PPP2R2B: variants seen among roughly 807,000 people sequenced by gnomAD.
PPP2R2B encodes protein phosphatase 2 regulatory subunit Bbeta.
In PPP2R2B, 5 loss-of-function variants were observed where a neutral mutation model predicts 46.0. That is an observed-to-expected ratio of 0.11 (90% CI 0.06 to 0.23). The LOEUF (loss-of-function observed/expected upper bound fraction) is 0.23. PPP2R2B is among the 10% of genes least tolerant of loss of function. PPP2R2B has a pLI of 1.00. For missense variants in PPP2R2B, 367 were observed against 575.0 expected (o/e 0.64, Z 3.70); for synonymous variants, 215 against 206.7 (o/e 1.04, Z -0.34).
At chr5:147,008,359 A>G (rs1754549354) in intron 1 of PPP2R2B, among the ~76,000 whole-genome samples, 1 of 152,180 alleles carries the variant, frequency 6.6e-6, no homozygotes, top group Non-Finnish European at 1.5e-5. Flanking sequence ...ATTTATGAAT[A>G]AATGTTAATT....
intron 2 of PPP2R2B, among the ~76,000 whole-genome samples, chr5:146,763,606 G>A (rs1218440685): frequency 2.0e-5 from 3 of 152,172 alleles, no homozygotes; most frequent in Non-Finnish European, 4.4e-5. Flanking sequence ...TAATTTATTA[G>A]CCACAGAAAT....
intron 1 of PPP2R2B, among the ~76,000 whole-genome samples, chr5:146,980,796 G>A (rs1465937270): frequency 1.3e-5 from 2 of 152,138 alleles, no homozygotes; most frequent in Non-Finnish European, 2.9e-5. Context: ...TTTCTCTAAT[G>A]TGTAGATACA....
At chr5:146,802,133 C>A (rs1195196821) in intron 2 of PPP2R2B, among the ~76,000 whole-genome samples, 1 of 152,156 alleles carries the variant, frequency 6.6e-6, no homozygotes, top group Non-Finnish European at 1.5e-5. Flanking sequence ...TAAGGAGTAA[C>A]AATCTGACTG....
In PPP2R2B at chr5:146,878,331, C is replaced by A. The variant is rs1010654317; in HGVS notation, c.-124-136G>T. 3 of 1,437,016 alleles carry A rather than the reference C, an allele frequency of 2.1e-6. No homozygotes were observed. In the South Asian group the frequency reaches 4.5e-5, roughly 21 times the overall value. 89.0% of individuals were successfully genotyped at this position (1,437,016 alleles called of 1,614,324 possible). On this transcript the variant is annotated intron_variant, in intron 1 of 9. Coordinates refer to ENST00000394411, the MANE Select transcript of PPP2R2B (RefSeq NM_181675.4). The surrounding 1 kb of genome is among the most constrained non-coding windows in gnomAD (Gnocchi z 4.5). ...CGCTCACTCCAGCTCCAGTTCCCAG[C>A]GAGGATGCTGCGCCTGCCTCCGCTG...
chr5:146,907,043 C>T (rs1227410502), intron 1 of PPP2R2B, among the ~76,000 whole-genome samples: 4 of 152,160 alleles, frequency 2.6e-5, no homozygotes, highest in Non-Finnish European at 5.9e-5. Context: ...AGGCAAGAGG[C>T]TCCTTGGCTG....
At chr5:147,068,276 T>C (rs1459403134) in intron 2 of PPP2R2B, among the ~76,000 whole-genome samples, 2 of 152,182 alleles carry the variant, frequency 1.3e-5, no homozygotes. Context: ...TACTTTCCCA[T>C]TTTACAGAGG....
At chr5:146,682,779 T>C (rs1778261434) in intron 5 of PPP2R2B, among the ~76,000 whole-genome samples, 1 of 152,174 alleles carries the variant, frequency 6.6e-6, no homozygotes, top group Non-Finnish European at 1.5e-5. Flanking sequence ...AGTTGAGTTA[T>C]AAAAGGCACT....
chr5:147,007,513 T>C (rs1054411893), intron 1 of PPP2R2B, among the ~76,000 whole-genome samples: 1 of 152,048 alleles, frequency 6.6e-6, no homozygotes, highest in Non-Finnish European at 1.5e-5. Context: ...GTGGGCCAAA[T>C]AAGGGAATAA....
At chr5:146,689,609 T>A (rs1231124349) in intron 5 of PPP2R2B, among the ~76,000 whole-genome samples, 1 of 152,174 alleles carries the variant, frequency 6.6e-6, no homozygotes, top group Non-Finnish European at 1.5e-5. Flanking sequence ...TATATTCCCA[T>A]CATTAAGTGA....
chr5:146,796,201 A>C lies in PPP2R2B; in HGVS notation c.70+81801T>G, dbSNP rs1756524391. Among the ~76,000 whole-genome samples the C allele has an allele frequency of 2.0e-5, 3 of 152,270 alleles. No individual in the cohort carries two copies. In the South Asian group the frequency reaches 6.2e-4, roughly 32 times the overall value. ...TGCAGAAGCATCTTGTTCTTATCCA[A>C]TTGGGCAATGAAAAAAACCAATGAG... On this transcript the variant is annotated intron_variant, in intron 2 of 9. Transcript: ENST00000394411.
rs34269274 is a variant in PPP2R2B at position 146,832,379 on chromosome 5, C to CTTTTTTTTTTTTTTT, written c.70+45608_70+45622dup. 5.7e-5 allele frequency among the ~76,000 whole-genome samples: 4 copies of CTTTTTTTTTTTTTTT among 70,192 alleles called. 1 individual carries two copies. Among genetic ancestry groups the CTTTTTTTTTTTTTTT allele is most frequent in the Non-Finnish European group, 1.1e-4 (4 of 37,382 alleles). The allele number at this position is 70,192 out of a possible 152,430, so 46.0% of individuals were successfully genotyped here. A position where few individuals can be genotyped will look rare whatever the true frequency, so the allele number is the denominator to read the frequency against. Reference sequence around the variant, plus strand: ...CACAAGTAAGTGTGCCATTTTTAATCTTTTTTTTTTTTTTTTTTTTTTTTT... The same window carrying CTTTTTTTTTTTTTTT: ...CACAAGTAAGTGTGCCATTTTTAATCTTTTTTTTTTTTTTTTTTTTTTTTTTTTTTTTTTTTTTTT... On this transcript the variant is annotated intron_variant, in intron 2 of 9. Coordinates refer to ENST00000394411, the MANE Select transcript of PPP2R2B (RefSeq NM_181675.4).
chr5:146,890,933 C>T (rs1366945000), intron 1 of PPP2R2B, among the ~76,000 whole-genome samples: 2 of 152,100 alleles, frequency 1.3e-5, no homozygotes, highest in African/African-American at 4.8e-5. Flanking sequence ...AATGCTGACT[C>T]ATTATGTCTA....
intron 2 of PPP2R2B, among the ~76,000 whole-genome samples, chr5:146,815,506 TA>T (rs907407587): frequency 2.0e-5 from 3 of 152,234 alleles, no homozygotes; most frequent in South Asian, 2.1e-4. Context: ...GAGTACCTAC[TA>T]GGGGTGGTAA....
chr5:147,022,521 C>A (rs535288787), intron 1 of PPP2R2B, among the ~76,000 whole-genome samples: 1 of 151,548 alleles, frequency 6.6e-6, no homozygotes, highest in South Asian at 2.1e-4. Context: ...GATCATGCCA[C>A]TGCACTCCAG....
chr5:146,984,851 C>A (rs1408296084), intron 1 of PPP2R2B, among the ~76,000 whole-genome samples: 1 of 151,902 alleles, frequency 6.6e-6, no homozygotes, highest in African/African-American at 2.4e-5. Flanking sequence ...CATATATCTG[C>A]TGACTATTTG....
At chr5:146,707,659 G>A (rs944996333) in intron 2 of PPP2R2B, 6 of 568,660 alleles carry the variant, frequency 1.1e-5, no homozygotes, top group African/African-American at 9.4e-5. Flanking sequence ...AAGGAGTGGA[G>A]AAGCTGCTTC....
chr5:146,768,776 G>C (rs543619926), intron 2 of PPP2R2B, among the ~76,000 whole-genome samples: 22 of 152,164 alleles, frequency 1.4e-4, no homozygotes, highest in Non-Finnish European at 2.4e-4. Context: ...GCTCTTTCCT[G>C]TTCCTGGAGA....
At chr5:146,902,063 G>C (rs1434340422) in intron 1 of PPP2R2B, among the ~76,000 whole-genome samples, 1 of 152,164 alleles carries the variant, frequency 6.6e-6, no homozygotes, top group East Asian at 1.9e-4. Context: ...GACATGAACT[G>C]ATGTATGGTT....
At chr5:146,684,665 C>T (rs144357790) in intron 5 of PPP2R2B, among the ~76,000 whole-genome samples, 1 of 152,316 alleles carries the variant, frequency 6.6e-6, no homozygotes, top group African/African-American at 2.4e-5. Context: ...CCAGATGCAT[C>T]GTGGAAACTC....
Sources: allele counts gnomAD v4.1 joint callset (sites outside exome capture counted in the v4.1 genomes callset), GRCh38; gene constraint gnomAD v4.1.1; non-coding constraint Gnocchi (gnomAD v3.1); transcripts MANE v1.5; gene names NCBI Gene and HGNC (gene_info 2026-07-23, HGNC 2026-07-21).